The following CENPE variants were observed in gnomAD, a reference collection of about 807,000 sequenced individuals.
CENPE encodes centromere protein E, also known as centromere-associated protein E.
A neutral mutation model predicts 336.1 loss-of-function variants in CENPE; 145 were observed. That is an observed-to-expected ratio of 0.43 (90% CI 0.38 to 0.50). The LOEUF (loss-of-function observed/expected upper bound fraction) is 0.50. Among genes scored for constraint, CENPE ranks in the 20% least tolerant of loss-of-function variants. CENPE has a pLI of 0.00. For synonymous variants in CENPE, 1,013 were observed against 984.8 expected (o/e 1.03, Z -0.54); for missense variants, 2,719 against 3,023.3 (o/e 0.90, Z 2.36).
At chr4:103,136,811 T>G (rs1752109473) in intron 39 of CENPE, among the ~76,000 whole-genome samples, 1 of 152,154 alleles carries the variant, frequency 6.6e-6, no homozygotes, top group Non-Finnish European at 1.5e-5. Context: ...TTTGTCAGCT[T>G]GGTACAGATA....
rs559880585 is a variant in CENPE at position 103,188,157 on chromosome 4, G to C, written c.694-2296C>G. ...CAGATTCATAAAGCAAGTCCTCAGAGACCTACAAAGAGACTTAGACTCCCA... is the reference window on the plus strand; with the variant it reads ...CAGATTCATAAAGCAAGTCCTCAGACACCTACAAAGAGACTTAGACTCCCA... On this transcript the variant is annotated intron_variant, in intron 8 of 48. Transcript: ENST00000265148. Among the ~76,000 whole-genome samples the C allele has an allele frequency of 3.3e-5, 5 of 152,206 alleles. No homozygotes were observed. In the East Asian group the frequency reaches 5.8e-4, roughly 18 times the overall value.
intron 16 of CENPE, among the ~76,000 whole-genome samples, chr4:103,167,372 C>A (rs1222698883): frequency 6.6e-6 from 1 of 152,056 alleles, no homozygotes; most frequent in Non-Finnish European, 1.5e-5. Flanking sequence ...CTTTTAATTC[C>A]TTTTTCTCTT....
chr4:103,145,780 AT>A (rs752870179), intron 30 of CENPE, 48 bp downstream of exon 30: 1 of 1,541,754 alleles, frequency 6.5e-7, no homozygotes, highest in Admixed American at 2.1e-5. Flanking sequence ...TTATAATAAT[AT>A]TTGGTTACAA....
intron 16 of CENPE, among the ~76,000 whole-genome samples, chr4:103,164,844 T>C (rs1408494900): frequency 6.6e-6 from 1 of 152,162 alleles, no homozygotes; most frequent in Non-Finnish European, 1.5e-5. Flanking sequence ...TGGCTCCTTC[T>C]TTCACCTTTT....
chr4:103,194,568 C>T (rs757036769), intron 6 of CENPE, 35 bp downstream of exon 6: 4 of 1,543,560 alleles, frequency 2.6e-6, no homozygotes, highest in East Asian at 4.5e-5. Context: ...ATAGTTTTTA[C>T]AAGTGTTCTA....
chr4:103,196,382 A>G (rs1757735727), intron 2 of CENPE, 130 bp from the exon 3 acceptor site: 1 of 744,880 alleles, frequency 1.3e-6, no homozygotes, highest in Non-Finnish European at 2.2e-6. Context: ...TATTTAAGAC[A>G]CAGTATTTTT....
intron 39 of CENPE, 39 bp downstream of exon 39, chr4:103,138,312 A>G (rs1321810558): frequency 5.1e-6 from 7 of 1,382,120 alleles, no homozygotes; most frequent in Non-Finnish European, 6.2e-6. Flanking sequence ...TTTGGAAGAC[A>G]ACCAATAATC....
In CENPE at chr4:103,169,834, G is replaced by A. The variant is rs56137313; in HGVS notation, c.1647+4902C>T. ...TTCTACTATAAAGACACATGCACAC[G>A]TATACTTATTGCAGCATTGTTTACA... On this transcript the variant is annotated intron_variant, in intron 16 of 48. Coordinates refer to ENST00000265148, the MANE Select transcript of CENPE (RefSeq NM_001813.3). 5.0e-3 allele frequency among the ~76,000 whole-genome samples: 759 copies of A among 152,202 alleles called. 5 individuals are homozygous for A. The highest frequency in any genetic ancestry group is 8.5e-3 in the Non-Finnish European group (578 of 68,016).
intron 42 of CENPE, among the ~76,000 whole-genome samples, chr4:103,124,173 G>A (rs538987832): frequency 6.6e-6 from 1 of 152,072 alleles, no homozygotes; most frequent in South Asian, 2.1e-4. Context: ...GGGGGTGGGG[G>A]GTCTTGATAT....
At chr4:103,146,940 A>AGAATAAGC (rs1753105541) in intron 29 of CENPE, among the ~76,000 whole-genome samples, 1 of 152,214 alleles carries the variant, frequency 6.6e-6, no homozygotes, top group Non-Finnish European at 1.5e-5. Context: ...ACTGGATTAC[A>AGAATAAGC]GAATAAGCAG....
At chr4:103,144,705 T>G (rs1233558790) in intron 32 of CENPE, 87 bp from the exon 33 acceptor site, 3 of 855,128 alleles carry the variant, frequency 3.5e-6, no homozygotes, top group Non-Finnish European at 5.4e-6. Flanking sequence ...CAATCATTTT[T>G]ACATTGTAAT....
chr4:103,180,190 T>A, intron 13 of CENPE, 121 bp downstream of exon 13: 1 of 830,916 alleles, frequency 1.2e-6, no homozygotes, highest in Non-Finnish European at 1.7e-6. Flanking sequence ...ACACAAAATC[T>A]TCTGGGTTTC....
rs534189859 is a variant in CENPE at position 103,160,669 on chromosome 4, C to T, written c.2242G>A (p.Glu748Lys). 3 of 1,611,022 alleles carry T rather than the reference C, an allele frequency of 1.9e-6. No homozygotes were observed. The highest frequency in any genetic ancestry group is 2.2e-5 in the South Asian group (2 of 90,616). ...ALREEVILLS[E>K]LKSLPSEVER... ...ACTTCAGAAGGTAAAGATTTCAATT[C>T]TGAAAGCAAAATGACTTCTTCCCGC... Residue 748 changes from glutamate to lysine, a missense_variant, in exon 21 of 49, where the codon GAA (glutamate) becomes AAA (lysine). This residue lies in a region of CENPE where 2,437 missense variants were observed against 2,513.3 expected (regional missense o/e 0.97). Transcript: ENST00000265148.
intron 43 of CENPE, 91 bp from the exon 44 acceptor site, chr4:103,120,424 T>C (rs1226655945): frequency 1.4e-5 from 15 of 1,087,204 alleles, no homozygotes; most frequent in Non-Finnish European, 1.7e-5. Context: ...ATTTAGATAT[T>C]GTTAATTTTT....
intron 8 of CENPE, among the ~76,000 whole-genome samples, chr4:103,189,273 C>T (rs992277958): frequency 2.0e-5 from 3 of 152,182 alleles, no homozygotes; most frequent in Admixed American, 2.0e-4. Flanking sequence ...ACAAGGGAAT[C>T]CTCCCTAACT....
chr4:103,142,009 C>T (rs1018618814), intron 34 of CENPE, 101 bp from the exon 35 acceptor site: 2 of 730,374 alleles, frequency 2.7e-6, no homozygotes, highest in Non-Finnish European at 4.4e-6. Flanking sequence ...AACACTGTTA[C>T]TCTATATCTT....
At chr4:103,128,886 T>C (rs1433756027) in intron 42 of CENPE, among the ~76,000 whole-genome samples, 2 of 151,978 alleles carry the variant, frequency 1.3e-5, no homozygotes, top group South Asian at 2.1e-4. Flanking sequence ...ATCAATGAAA[T>C]TGAAACAAAA....
At chr4:103,143,501 T>G in intron 33 of CENPE, 95 bp from the exon 34 acceptor site, 1 of 784,546 alleles carries the variant, frequency 1.3e-6, no homozygotes, top group Non-Finnish European at 2.1e-6. Context: ...TCTTCCACCC[T>G]CTTCTGAGGC....
intron 33 of CENPE, among the ~76,000 whole-genome samples, chr4:103,144,099 C>A (rs1470865955): frequency 6.6e-6 from 1 of 151,844 alleles, no homozygotes; most frequent in East Asian, 1.9e-4. Context: ...ACCACGCCTG[C>A]CTAATTTTTT....
Sources: allele counts gnomAD v4.1 joint callset (sites outside exome capture counted in the v4.1 genomes callset), GRCh38; gene constraint gnomAD v4.1.1; regional missense constraint gnomAD v4.1.1; transcripts MANE v1.5; gene names NCBI Gene and HGNC (gene_info 2026-07-23, HGNC 2026-07-21).